Variants in IMMP2L observed in about 807,000 individuals in gnomAD.
IMMP2L encodes mitochondrial inner membrane protease subunit 2.
In IMMP2L, 18 loss-of-function variants were observed where a neutral mutation model predicts 19.3. That is an observed-to-expected ratio of 0.93 (90% CI 0.64 to 1.38). The LOEUF (loss-of-function observed/expected upper bound fraction) is 1.38. IMMP2L is among the 40% of genes most tolerant of loss of function. The pLI, the probability that IMMP2L is intolerant of heterozygous loss-of-function variation, is 0.00. For synonymous variants in IMMP2L, 76 were observed against 73.0 expected, an observed-to-expected ratio of 1.04 and a Z score of -0.21; for missense variants, 233 against 218.2, an observed-to-expected ratio of 1.07 and a Z score of -0.43.
intron 3 of IMMP2L, among the ~76,000 whole-genome samples, chr7:111,355,847 TTTAAG>T (rs1396199577): frequency 2.6e-5 from 4 of 152,102 alleles, no homozygotes; most frequent in African/African-American, 4.8e-5. Context: ...AATAGTGCTC[TTTAAG>T]TTATTTTCCT....
At chr7:110,721,517 C>G (rs1173404549) in intron 5 of IMMP2L, among the ~76,000 whole-genome samples, 1 of 151,826 alleles carries the variant, frequency 6.6e-6, no homozygotes, top group Non-Finnish European at 1.5e-5. Flanking sequence ...AGCAAAAGAA[C>G]AGACTATGAC....
At chr7:111,261,281 A>G (rs145276130) in intron 3 of IMMP2L, among the ~76,000 whole-genome samples, 8 of 151,832 alleles carry the variant, frequency 5.3e-5, no homozygotes, top group East Asian at 1.9e-4. Context: ...ATTCACCAAC[A>G]CCTCCCCACA....
chr7:111,543,640 C>T (rs1365356368), intron 1 of IMMP2L, among the ~76,000 whole-genome samples: 1 of 152,048 alleles, frequency 6.6e-6, no homozygotes, highest in Non-Finnish European at 1.5e-5. Context: ...AATGTATAGC[C>T]TTTATATTTT....
chr7:111,479,839 G>T (rs542030549), intron 3 of IMMP2L, among the ~76,000 whole-genome samples: 8 of 151,936 alleles, frequency 5.3e-5, no homozygotes, highest in Non-Finnish European at 1.2e-4. Context: ...AAAACTTATA[G>T]TTACCTCTCA....
intron 3 of IMMP2L, among the ~76,000 whole-genome samples, chr7:111,263,114 G>T (rs909313611): frequency 6.6e-6 from 1 of 152,114 alleles, no homozygotes; most frequent in South Asian, 2.1e-4. Flanking sequence ...TCTGCTCTGA[G>T]AGAGGCGGGA....
At chr7:111,512,595 A>G (rs553550052) in intron 2 of IMMP2L, among the ~76,000 whole-genome samples, 1 of 152,252 alleles carries the variant, frequency 6.6e-6, no homozygotes, top group South Asian at 2.1e-4. Context: ...TTTTTCGCAG[A>G]AATACACAAC....
intron 3 of IMMP2L, among the ~76,000 whole-genome samples, chr7:111,376,810 A>G (rs1830718046): frequency 6.6e-6 from 1 of 152,110 alleles, no homozygotes; most frequent in African/African-American, 2.4e-5. Context: ...ACCACATATC[A>G]TGTAATTCCA....
chr7:110,796,171 C>T, intron 5 of IMMP2L, among the ~76,000 whole-genome samples: 1 of 151,980 alleles, frequency 6.6e-6, no homozygotes, highest in East Asian at 1.9e-4. Flanking sequence ...GGAGGCCTCC[C>T]AGCCATGCTA....
intron 3 of IMMP2L, among the ~76,000 whole-genome samples, chr7:111,480,461 C>A (rs1002848924): frequency 6.6e-6 from 1 of 151,808 alleles, no homozygotes; most frequent in East Asian, 1.9e-4. Flanking sequence ...ATAATAATAC[C>A]TATACTATCT....
chr7:111,361,605 G>A (rs187264178), intron 3 of IMMP2L, among the ~76,000 whole-genome samples: 129 of 152,144 alleles, frequency 8.5e-4, no homozygotes, highest in African/African-American at 3.1e-3. Context: ...ACTTGTTCAA[G>A]GGACTATGTT....
At chr7:111,408,343 G>A (rs1447691290) in intron 3 of IMMP2L, among the ~76,000 whole-genome samples, 1 of 151,656 alleles carries the variant, frequency 6.6e-6, no homozygotes, top group Non-Finnish European at 1.5e-5. Context: ...CTTAATTACT[G>A]TAGACAAATA....
intron 3 of IMMP2L, among the ~76,000 whole-genome samples, chr7:111,383,755 A>T (rs1337496372): frequency 1.3e-5 from 2 of 152,062 alleles, no homozygotes; most frequent in Non-Finnish European, 1.5e-5. Flanking sequence ...ATGTGCACTA[A>T]GTTTTTCTGC....
chr7:111,532,630 G>C (rs369031741), intron 1 of IMMP2L: 23 of 152,272 alleles, frequency 1.5e-4, no homozygotes, highest in African/African-American at 5.5e-4. Flanking sequence ...TCACAAAAAA[G>C]TAGGACTGAA....
intron 3 of IMMP2L, among the ~76,000 whole-genome samples, chr7:111,114,666 G>A (rs575482480): frequency 6.6e-6 from 1 of 151,054 alleles, no homozygotes; most frequent in Admixed American, 6.6e-5. Context: ...AACCCAGGAG[G>A]TGGAGGGTGC....
chr7:111,342,614 T>C (rs904572987), intron 3 of IMMP2L, among the ~76,000 whole-genome samples: 1 of 151,890 alleles, frequency 6.6e-6, no homozygotes, highest in Admixed American at 6.6e-5. Flanking sequence ...AAAGGTCATA[T>C]ACAATTTTAC....
At chr7:111,008,489 T>C (rs1309999593) in intron 3 of IMMP2L, among the ~76,000 whole-genome samples, 2 of 151,954 alleles carry the variant, frequency 1.3e-5, no homozygotes, top group East Asian at 3.9e-4. Flanking sequence ...GACAATTATA[T>C]AAAAGAAACT....
intron 1 of IMMP2L, among the ~76,000 whole-genome samples, chr7:111,555,823 T>A (rs1003144426): frequency 6.6e-6 from 1 of 151,562 alleles, no homozygotes; most frequent in Non-Finnish European, 1.5e-5. Context: ...TGTTTCCATA[T>A]ATTCACACCC....
At chr7:110,706,630 T>G (rs1794700914) in intron 5 of IMMP2L, among the ~76,000 whole-genome samples, 1 of 152,180 alleles carries the variant, frequency 6.6e-6, no homozygotes, top group African/African-American at 2.4e-5. Flanking sequence ...TTTTTCATGC[T>G]TGTTGGCTAC....
At chr7:111,474,436 G>T (rs1044786360) in intron 3 of IMMP2L, among the ~76,000 whole-genome samples, 9 of 151,432 alleles carry the variant, frequency 5.9e-5, no homozygotes, top group African/African-American at 2.2e-4. Context: ...AAGCAAAAGT[G>T]AATATTCAAA....
Sources: allele counts gnomAD v4.1 joint callset (sites outside exome capture counted in the v4.1 genomes callset), GRCh38; gene constraint gnomAD v4.1.1; transcripts MANE v1.5; gene names NCBI Gene and HGNC (gene_info 2026-07-23, HGNC 2026-07-21).